Variants in OOSP1 observed in about 807,000 individuals in gnomAD.
OOSP1 encodes the protein putative oocyte-secreted protein 1 homolog.
In OOSP1, 11 loss-of-function variants were observed where a neutral mutation model predicts 5.7. That is an observed-to-expected ratio of 1.94 (90% confidence interval 1.22 to 3.20). OOSP1 has a LOEUF of 3.20. Ranked by LOEUF, OOSP1 falls within the 30% of genes most tolerant of loss-of-function variation. The pLI, the probability that OOSP1 is intolerant of heterozygous loss-of-function variation, is 0.00. For synonymous variants in OOSP1, 44 were observed against 20.0 expected, an observed-to-expected ratio of 2.20 and a Z score of -3.20; for missense variants, 83 against 54.1, an observed-to-expected ratio of 1.53 and a Z score of -1.67.
intron 2 of OOSP1, among the ~76,000 whole-genome samples, chr11:59,944,469 A>C (rs990701089): frequency 1.3e-5 from 2 of 152,154 alleles, no homozygotes; most frequent in African/African-American, 2.4e-5. Context: ...TGAGAGCAGG[A>C]TATATCTGAG....
chr11:59,939,174 C>T (rs523896), intron 1 of OOSP1, among the ~76,000 whole-genome samples: 1 of 151,540 alleles, frequency 6.6e-6, no homozygotes. Flanking sequence ...TTCTTTCTTC[C>T]TTTCTTTCTC....
intron 4 of OOSP1, among the ~76,000 whole-genome samples, chr11:59,954,264 C>T (rs1312289137): frequency 1.1e-4 from 16 of 152,160 alleles, no homozygotes; most frequent in Non-Finnish European, 1.5e-5. Context: ...GCATTTTAGG[C>T]TTTGTAGATC....
chr11:59,951,045 A>G (rs1853934983), intron 4 of OOSP1, among the ~76,000 whole-genome samples: 1 of 152,108 alleles, frequency 6.6e-6, no homozygotes, highest in South Asian at 2.1e-4. Flanking sequence ...CCAAACATTT[A>G]TAATAATCAC....
chr11:59,951,041 A>T (rs1016063107), intron 4 of OOSP1, among the ~76,000 whole-genome samples: 9 of 152,072 alleles, frequency 5.9e-5, no homozygotes, highest in African/African-American at 1.7e-4. Context: ...AGTCCCAAAC[A>T]TTTATAATAA....
rs577746855 is a variant in OOSP1 at position 59,951,253 on chromosome 11, A to G, written c.486+3391A>G. Among the ~76,000 whole-genome samples the G allele has an allele frequency of 7.2e-3, 1,098 of 152,104 alleles. 17 individuals carry two copies. The highest frequency in any genetic ancestry group is 0.024 in the African/African-American group (1,016 of 41,488). Reference sequence around the variant, plus strand: ...AACAGATCCTAAAATTAAAAAAAAAAAACATGGCATGAAATTATACACATT... The same window carrying G: ...AACAGATCCTAAAATTAAAAAAAAAGAACATGGCATGAAATTATACACATT... On this transcript the variant is annotated intron_variant, in intron 4 of 4. Coordinates refer to ENST00000646685, the Ensembl canonical transcript of OOSP1.
At chr11:59,950,698 G>T (rs529520806) in intron 4 of OOSP1, among the ~76,000 whole-genome samples, 55 of 152,220 alleles carry the variant, frequency 3.6e-4, no homozygotes, top group African/African-American at 1.2e-3. Flanking sequence ...AGACAGTTTT[G>T]GTGGAGAGGT....
chr11:59,956,398 T>TTC (rs1283786763), intron 4 of OOSP1, among the ~76,000 whole-genome samples: 1 of 152,114 alleles, frequency 6.6e-6, no homozygotes, highest in Non-Finnish European at 1.5e-5. Context: ...ATCAGAGCCT[T>TTC]AAGATAGTCC....
intron 4 of OOSP1, among the ~76,000 whole-genome samples, chr11:59,950,555 A>T (rs1420123220): frequency 6.6e-6 from 1 of 152,214 alleles, no homozygotes; most frequent in Non-Finnish European, 1.5e-5. Context: ...AAACCAGGGC[A>T]GAGTGGGGTC....
intron 1 of OOSP1, among the ~76,000 whole-genome samples, chr11:59,942,604 A>AT (rs938793631): frequency 3.9e-5 from 6 of 152,120 alleles, no homozygotes; most frequent in Admixed American, 2.6e-4. Flanking sequence ...TTTTGTATTG[A>AT]TTTTTTCCCC....
intron 4 of OOSP1, among the ~76,000 whole-genome samples, chr11:59,956,978 G>A (rs1200621178): frequency 1.3e-5 from 2 of 151,992 alleles, no homozygotes; most frequent in East Asian, 1.9e-4. Flanking sequence ...GGTTTGTTCC[G>A]TGATTTTGTA....
intron 1 of OOSP1, among the ~76,000 whole-genome samples, chr11:59,938,788 C>T (rs1853796736): frequency 6.6e-6 from 1 of 152,094 alleles, no homozygotes; most frequent in Non-Finnish European, 1.5e-5. Context: ...CTGACCATAT[C>T]AATTCTTGGG....
chr11:59,954,416 T>C (rs1295532909), intron 4 of OOSP1, among the ~76,000 whole-genome samples: 1 of 152,128 alleles, frequency 6.6e-6, no homozygotes, highest in Non-Finnish European at 1.5e-5. Context: ...TAGATTTGGC[T>C]TGTGGGCTGT....
intron 4 of OOSP1, chr11:59,949,051 G>GACTGACTTGTAT: frequency 3.1e-6 from 1 of 321,358 alleles, no homozygotes; most frequent in African/African-American, 2.1e-5. Flanking sequence ...GTTATTGCAA[G>GACTGACTTGTAT]ACTGACTTGT....
At chr11:59,954,338 C>G (rs773814847) in intron 4 of OOSP1, among the ~76,000 whole-genome samples, 7 of 152,008 alleles carry the variant, frequency 4.6e-5, no homozygotes, top group Non-Finnish European at 1.0e-4. Context: ...ATGTGCAGTA[C>G]GTAAACAAAT....
intron 1 of OOSP1, among the ~76,000 whole-genome samples, chr11:59,941,364 C>T (rs1853822553): frequency 6.6e-6 from 1 of 151,768 alleles, no homozygotes; most frequent in African/African-American, 2.4e-5. Flanking sequence ...ATAAATGAAG[C>T]TATTGTTAGC....
rs1407877522 is a variant in OOSP1, at chr11:59,945,183, T to A, written c.273T>A (p.Val91=). Residue 91 remains valine (V), a synonymous_variant, in exon 3 of 5, where the codon GTT becomes GTA. Coordinates refer to ENST00000646685, the Ensembl canonical transcript of OOSP1. ...TTGTCTTGTAGCCTCTCCAGGAAGT[T>A]CTTCTGCTTAAAACTAAAATCAGGT... 3 of 702,816 alleles carry A rather than the reference T, an allele frequency of 4.3e-6. No homozygotes were observed. In the African/African-American group the frequency reaches 5.2e-5, roughly 12 times the overall value. 43.5% of individuals were successfully genotyped at this position (702,816 alleles called of 1,614,324 possible).
intron 4 of OOSP1, among the ~76,000 whole-genome samples, chr11:59,952,847 G>A (rs1023085486): frequency 6.6e-6 from 1 of 151,998 alleles, no homozygotes; most frequent in Non-Finnish European, 1.5e-5. Flanking sequence ...ACTGATTTTT[G>A]TTCCAAGTAA....
chr11:59,941,630 G>A (rs138335296), intron 1 of OOSP1, among the ~76,000 whole-genome samples: 82 of 152,070 alleles, frequency 5.4e-4, no homozygotes, highest in Middle Eastern at 6.8e-3. Context: ...CACCCGGCTC[G>A]CCCTCCTAAA....
At chr11:59,943,128 T>TGA (rs989096004) in intron 2 of OOSP1, 100 bp downstream of exon 2, 2 of 563,062 alleles carry the variant, frequency 3.6e-6, no homozygotes, top group African/African-American at 3.9e-5. Flanking sequence ...CACCTATGAG[T>TGA]GAGAACATGT....
Sources: gnomAD v4.1 joint callset for allele counts (sites outside exome capture counted in the v4.1 genomes callset) on GRCh38, gnomAD v4.1.1 for gene constraint, MANE v1.5 for transcripts, NCBI Gene and HGNC (gene_info 2026-07-23, HGNC 2026-07-21) for gene names.